CSMD3: variants seen among roughly 807,000 people sequenced by gnomAD.
CSMD3 encodes the protein CUB and sushi domain-containing protein 3.
In CSMD3, 177 loss-of-function variants were observed where a neutral mutation model predicts 435.2. The observed-to-expected ratio is 0.41, with a 90% CI of 0.36 to 0.46. The LOEUF is 0.46. Ranked by LOEUF, CSMD3 falls within the 20% of genes least tolerant of loss-of-function variation. The pLI is 0.34. For missense variants in CSMD3, 4,265 were observed against 4,504.6 expected (o/e 0.95, Z 1.52); for synonymous variants, 1,656 against 1,520.5 (o/e 1.09, Z -2.07).
At chr8:112,774,103 A>T (rs572241066) in intron 13 of CSMD3, among the ~76,000 whole-genome samples, 1 of 152,062 alleles carries the variant, frequency 6.6e-6, no homozygotes, top group African/African-American at 2.4e-5. Context: ...TTTCTCTATA[A>T]ATTTATCTGC....
chr8:113,374,457 T>C (rs572919289), intron 1 of CSMD3, among the ~76,000 whole-genome samples: 1 of 152,242 alleles, frequency 6.6e-6, no homozygotes, highest in South Asian at 2.1e-4. Flanking sequence ...AGGTTGGTGC[T>C]AGGAAATACT....
rs200554471 is a variant in CSMD3, at chr8:112,597,023, C to G, written c.3716-9788G>C. On this transcript the variant is annotated intron_variant, in intron 22 of 70. Transcript: ENST00000297405. ...GCAAGAAATAACTAAAATCAGAGCA[C>G]AACTGAAGGAAATAGAGACACAAAA... Among the ~76,000 whole-genome samples the G allele has an allele frequency of 7.0e-4, 106 of 152,078 alleles. 2 individuals are homozygous for G. The highest frequency in any genetic ancestry group is 2.3e-3 in the South Asian group (11 of 4,810).
At chr8:112,995,985 A>T (rs865790448) in intron 6 of CSMD3, among the ~76,000 whole-genome samples, 1 of 151,566 alleles carries the variant, frequency 6.6e-6, no homozygotes, top group South Asian at 2.1e-4. Flanking sequence ...TGAAAAATTT[A>T]CCTATTTATT....
At chr8:113,243,943 A>G (rs66486318) in intron 3 of CSMD3, among the ~76,000 whole-genome samples, 16,693 of 152,078 alleles carry the variant, frequency 0.11, 1,006 homozygotes, top group Middle Eastern at 0.17. Context: ...CCATATTTAA[A>G]CTGATTTATT....
In CSMD3 at chr8:113,434,532, A is replaced by G. The variant is rs561231381; in HGVS notation, c.178+2145T>C. Among the ~76,000 whole-genome samples, 10 of 152,278 alleles carry G rather than the reference A, an allele frequency of 6.6e-5. 1 individual carries two copies. In the South Asian group the frequency reaches 2.1e-3, roughly 32 times the overall value. ...CATAAAACCTATGCAAATTTCTCAG[A>G]ATTTGGGGACAGTATTCCAAGTCGT... On this transcript the variant is annotated intron_variant, in intron 1 of 70. Coordinates refer to ENST00000297405, the MANE Select transcript of CSMD3 (RefSeq NM_198123.2).
chr8:112,393,204 A>T (rs924573109), intron 35 of CSMD3, among the ~76,000 whole-genome samples: 1 of 152,106 alleles, frequency 6.6e-6, no homozygotes, highest in African/African-American at 2.4e-5. Flanking sequence ...AATATAGTTA[A>T]TTGTATTAGT....
At chr8:113,331,588 C>T (rs1042233612) in intron 1 of CSMD3, among the ~76,000 whole-genome samples, 1 of 151,680 alleles carries the variant, frequency 6.6e-6, no homozygotes, top group Non-Finnish European at 1.5e-5. Flanking sequence ...CACATAATAA[C>T]CAAATGAGAT....
At chr8:112,706,849 ATAAT>A (rs1563876923) in intron 13 of CSMD3, among the ~76,000 whole-genome samples, 15 of 152,124 alleles carry the variant, frequency 9.9e-5, no homozygotes, top group Middle Eastern at 3.2e-3. Flanking sequence ...TTAGGAGTTT[ATAAT>A]CTAATAATAG....
chr8:112,321,186 T>C (rs1822968299), intron 45 of CSMD3, among the ~76,000 whole-genome samples: 2 of 152,132 alleles, frequency 1.3e-5, no homozygotes, highest in South Asian at 2.1e-4. Context: ...CTATTTTTAC[T>C]ACTTAAACTT....
chr8:112,800,384 C>A, intron 12 of CSMD3, 110 bp from the exon 13 acceptor site: 1 of 774,858 alleles, frequency 1.3e-6, no homozygotes, highest in South Asian at 1.4e-5. Context: ...AAAAAAAAGT[C>A]AGATAAACAT....
At chr8:112,284,666 A>T (rs547316666) in intron 58 of CSMD3, among the ~76,000 whole-genome samples, 1 of 152,082 alleles carries the variant, frequency 6.6e-6, no homozygotes, top group East Asian at 1.9e-4. Context: ...AGTTATAAAC[A>T]GAAATAAAAA....
chr8:112,826,940 ATATC>A (rs2079698645), intron 12 of CSMD3, among the ~76,000 whole-genome samples: 1 of 151,864 alleles, frequency 6.6e-6, no homozygotes, highest in East Asian at 2.0e-4. Context: ...TCCAAAAAGG[ATATC>A]AATTGGTACA....
chr8:113,236,919 A>T (rs2132221865), intron 3 of CSMD3, among the ~76,000 whole-genome samples: 1 of 152,210 alleles, frequency 6.6e-6, no homozygotes, highest in East Asian at 1.9e-4. Flanking sequence ...TACAATGCCA[A>T]ACCAATAAGA....
chr8:113,368,489 G>A (rs933914986), intron 1 of CSMD3, among the ~76,000 whole-genome samples: 1 of 152,096 alleles, frequency 6.6e-6, no homozygotes, highest in Non-Finnish European at 1.5e-5. Context: ...TTCTTTTGCA[G>A]TAAGTTTCCT....
chr8:112,500,451 T>C (rs912875261), intron 30 of CSMD3, among the ~76,000 whole-genome samples: 1 of 152,152 alleles, frequency 6.6e-6, no homozygotes, highest in African/African-American at 2.4e-5. Context: ...AAGAAATAGA[T>C]GATCCTATCT....
chr8:113,246,368 A>C, intron 3 of CSMD3, among the ~76,000 whole-genome samples: 1 of 151,872 alleles, frequency 6.6e-6, no homozygotes, highest in Non-Finnish European at 1.5e-5. Context: ...CATCTAGCAA[A>C]TTTTTTATTT....
chr8:112,350,581 A>C (rs1826048836), intron 40 of CSMD3, among the ~76,000 whole-genome samples: 1 of 152,130 alleles, frequency 6.6e-6, no homozygotes, highest in African/African-American at 2.4e-5. Flanking sequence ...CTTACTCTTT[A>C]CAGCCCAGTA....
At chr8:113,215,912 T>C (rs557456573) in intron 3 of CSMD3, among the ~76,000 whole-genome samples, 62 of 151,852 alleles carry the variant, frequency 4.1e-4, no homozygotes, top group Non-Finnish European at 6.5e-4. Flanking sequence ...TGAATACTTT[T>C]TTAAAAAAAA....
intron 5 of CSMD3, among the ~76,000 whole-genome samples, chr8:113,037,431 T>G (rs1218617801): frequency 6.6e-6 from 1 of 152,130 alleles, no homozygotes; most frequent in Non-Finnish European, 1.5e-5. Flanking sequence ...CTCAAAAGAA[T>G]GTCTGATAGG....
Sources: allele counts gnomAD v4.1 joint callset (sites outside exome capture counted in the v4.1 genomes callset), GRCh38; gene constraint gnomAD v4.1.1; transcripts MANE v1.5; gene names NCBI Gene and HGNC (gene_info 2026-07-23, HGNC 2026-07-21).